The following ATP8B4 variants were observed in gnomAD, a reference collection of about 807,000 sequenced individuals.
ATP8B4 encodes the protein probable phospholipid-transporting ATPase IM.
Under a neutral mutation model 145.6 loss-of-function variants are expected in ATP8B4, and 133 were observed. That is an observed-to-expected ratio of 0.91 (90% CI 0.79 to 1.05). The LOEUF (loss-of-function observed/expected upper bound fraction) is 1.05. Among genes scored for constraint, ATP8B4 ranks in the 50% least tolerant of loss-of-function variants. ATP8B4 has a pLI of 0.00. For missense variants in ATP8B4, 1,458 were observed against 1,425.2 expected (o/e 1.02, Z -0.37); for synonymous variants, 507 against 492.9 (o/e 1.03, Z -0.38).
chr15:49,939,758 C>T (rs1266946327), intron 14 of ATP8B4, among the ~76,000 whole-genome samples: 1 of 152,106 alleles, frequency 6.6e-6, no homozygotes, highest in African/African-American at 2.4e-5. Flanking sequence ...TTCTACAAAG[C>T]CAGCATTCCC....
chr15:49,984,906 T>C (rs1239928505), intron 10 of ATP8B4, among the ~76,000 whole-genome samples: 1 of 152,072 alleles, frequency 6.6e-6, no homozygotes, highest in East Asian at 1.9e-4. Context: ...AGAAACAAGA[T>C]TTTCTCCTCT....
At chr15:50,092,751 C>A (rs2055693839) in intron 2 of ATP8B4, among the ~76,000 whole-genome samples, 1 of 151,856 alleles carries the variant, frequency 6.6e-6, no homozygotes, top group African/African-American at 2.4e-5. Context: ...ATATGTGTAA[C>A]TGGATCCCCA....
At position 49,862,331 on chromosome 15, in the gene ATP8B4, T is replaced by G; in HGVS notation, c.3211A>C (p.Ile1071Leu). 1 of 1,613,814 alleles carries G rather than the reference T, an allele frequency of 6.2e-7. No homozygotes were observed. The highest frequency in any genetic ancestry group is 8.5e-7 in the Non-Finnish European group (1 of 1,179,760). ...ACTGAAGCCACTGTTGTTAAGAGAA[T>G]TACAAGCCAGATGCACTTCTGGGTC... Reference protein sequence around the residue: ...SLTQKCIWLVILLTTVASVMP... With the variant: ...SLTQKCIWLVLLLTTVASVMP... The change falls in exon 27 of 28, where the codon ATT (isoleucine) becomes CTT (leucine). Residue 1071 changes from isoleucine to leucine, a missense_variant. Coordinates refer to ENST00000284509, the MANE Select transcript of ATP8B4 (RefSeq NM_024837.4).
intron 11 of ATP8B4, 55 bp from the exon 12 acceptor site, chr15:49,979,868 T>C (rs2046002138): frequency 4.7e-6 from 6 of 1,278,064 alleles, no homozygotes; most frequent in Non-Finnish European, 6.4e-6. Flanking sequence ...ATTAGTCATA[T>C]CAACATGATC....
At chr15:50,003,543 G>GA (rs759868405) in intron 7 of ATP8B4, among the ~76,000 whole-genome samples, 13 of 151,482 alleles carry the variant, frequency 8.6e-5, no homozygotes, top group Admixed American at 3.3e-4. Flanking sequence ...GATTTTAAAG[G>GA]AAAAAAAAAT....
chr15:50,018,255 T>A (rs1054235797), intron 6 of ATP8B4, among the ~76,000 whole-genome samples: 3 of 152,234 alleles, frequency 2.0e-5, no homozygotes, highest in African/African-American at 7.2e-5. Context: ...CCCAAAGTGC[T>A]GGAATTACAG....
chr15:49,872,780 GGGATCCTGGATT>G (rs57722736), intron 25 of ATP8B4, among the ~76,000 whole-genome samples: 38,564 of 151,766 alleles, frequency 0.25, 5,132 homozygotes, highest in Non-Finnish European at 0.27. Context: ...AATTCAATGT[GGGATCCTGGATT>G]GGATCCTGGA....
At chr15:50,137,154 G>T (rs76473283) in intron 1 of ATP8B4, among the ~76,000 whole-genome samples, 2 of 152,122 alleles carry the variant, frequency 1.3e-5, no homozygotes, top group African/African-American at 2.4e-5. Context: ...CTGATTTAAC[G>T]TCAATCTTCC....
intron 15 of ATP8B4, among the ~76,000 whole-genome samples, chr15:49,933,149 AC>A (rs1210021579): frequency 6.6e-6 from 1 of 152,056 alleles, no homozygotes; most frequent in Admixed American, 6.6e-5. Context: ...TGAAAAGTAT[AC>A]AACAACAACA....
At chr15:50,161,598 TAAC>T (rs2044519405) in intron 1 of ATP8B4, among the ~76,000 whole-genome samples, 1 of 151,870 alleles carries the variant, frequency 6.6e-6, no homozygotes, top group South Asian at 2.1e-4. Context: ...TTTAAACTGC[TAAC>T]AACACAGATT....
At chr15:50,111,068 T>C (rs1158113375) in intron 1 of ATP8B4, among the ~76,000 whole-genome samples, 3 of 152,218 alleles carry the variant, frequency 2.0e-5, no homozygotes, top group East Asian at 1.9e-4. Context: ...AAGACCTCCA[T>C]GCTGGAACTG....
intron 1 of ATP8B4, among the ~76,000 whole-genome samples, chr15:50,108,129 T>G (rs2153669174): frequency 6.6e-6 from 1 of 151,920 alleles, no homozygotes; most frequent in East Asian, 1.9e-4. Context: ...CATCAGTAAC[T>G]CCCCTGTTGC....
intron 1 of ATP8B4, among the ~76,000 whole-genome samples, chr15:50,151,740 C>CAA (rs58413585): frequency 6.7e-4 from 61 of 91,688 alleles, no homozygotes; most frequent in African/African-American, 1.4e-3. Flanking sequence ...GAACCTGTCT[C>CAA]AAAAAAAAAA....
intron 2 of ATP8B4, among the ~76,000 whole-genome samples, chr15:50,097,355 CA>C (rs5812504): frequency 0.34 from 51,027 of 149,724 alleles, 9,154 homozygotes; most frequent in Non-Finnish European, 0.41. Flanking sequence ...TCTAATTATA[CA>C]AAAAAAAAAT....
intron 17 of ATP8B4, 49 bp downstream of exon 17, chr15:49,923,330 G>A: frequency 7.7e-7 from 1 of 1,305,528 alleles, no homozygotes; most frequent in Non-Finnish European, 1.1e-6. Context: ...CCTAACCATA[G>A]GAGATGGCAA....
At chr15:49,994,717 T>G (rs1266299549) in intron 9 of ATP8B4, among the ~76,000 whole-genome samples, 1 of 152,014 alleles carries the variant, frequency 6.6e-6, no homozygotes, top group Non-Finnish European at 1.5e-5. Flanking sequence ...TGCAGTTCCA[T>G]GTAAGAAATC....
chr15:49,894,805 T>C (rs960427855), intron 23 of ATP8B4: 1 of 152,312 alleles, frequency 6.6e-6, no homozygotes, highest in Non-Finnish European at 1.5e-5. Flanking sequence ...CACGTCGGAA[T>C]GGCTCTCTTT....
chr15:49,979,798 T>A lies in ATP8B4; in HGVS notation c.853A>T (p.Ile285Leu). The change falls in exon 12 of 28, where the codon ATA (isoleucine) becomes TTA (leucine). Residue 285 changes from isoleucine (I) to leucine (L), a missense_variant. Physicochemically the swap from Ile to Leu is conservative, Grantham distance 5. Coordinates refer to ENST00000284509, the MANE Select transcript of ATP8B4 (RefSeq NM_024837.4). ...ATTGCAAGAATAATTCCCAAGCATA[T>A]CAGAAACCCAAAAATCTGAAATAAG... ...TLVLWIFGFLICLGIILAIGN... is the reference protein window; with the variant it reads ...TLVLWIFGFLLCLGIILAIGN... The A allele has an allele frequency of 1.3e-6, 2 of 1,585,814 alleles. No individual in the cohort carries two copies. The highest frequency in any genetic ancestry group is 1.7e-6 in the Non-Finnish European group (2 of 1,163,314).
chr15:50,016,927 T>C (rs150144196), intron 6 of ATP8B4, among the ~76,000 whole-genome samples: 80 of 152,264 alleles, frequency 5.3e-4, no homozygotes, highest in African/African-American at 1.8e-3. Flanking sequence ...TGAGGGGCAG[T>C]GGGCAGGGGA....
Sources: gnomAD v4.1 joint callset for allele counts (sites outside exome capture counted in the v4.1 genomes callset) on GRCh38, gnomAD v4.1.1 for gene constraint, MANE v1.5 for transcripts, NCBI Gene and HGNC (gene_info 2026-07-23, HGNC 2026-07-21) for gene names.